Variants in IQSEC2 observed in about 807,000 individuals in gnomAD.
IQSEC2 encodes the protein IQ motif and SEC7 domain-containing protein 2.
A neutral mutation model predicts 74.6 loss-of-function variants in IQSEC2; 6 were observed. The ratio of observed to expected loss-of-function variants is 0.08; its 90% CI spans 0.04 to 0.16. IQSEC2 has a LOEUF of 0.16. Among genes scored for constraint, IQSEC2 ranks in the 10% least tolerant of loss-of-function variants. The probability of loss-of-function intolerance (pLI) is 1.00; values close to 1 mark genes in which losing one functional copy is unlikely to be tolerated. For synonymous variants in IQSEC2, 494 were observed against 544.5 expected (o/e 0.91, Z 1.29); for missense variants, 734 against 1,306.2 (o/e 0.56, Z 6.75).
At chrX:53,255,172 GAAAC>G (rs1556864804) in intron 3 of IQSEC2, among the ~76,000 whole-genome samples, 1 of 107,001 alleles carries the variant, frequency 9.3e-6, no homozygotes, top group African/African-American at 3.5e-5. Context: ...TTGAAAACAG[GAAAC>G]AAACAGAGAA....
chrX:53,301,583 A>G (rs1851311734), intron 1 of IQSEC2, among the ~76,000 whole-genome samples: 1 of 112,297 alleles, frequency 8.9e-6, no homozygotes, highest in Admixed American at 9.5e-5. Context: ...ACCCAGGTCC[A>G]TCTGTTAGGA....
intron 2 of IQSEC2, among the ~76,000 whole-genome samples, chrX:53,259,821 A>AACAAAG (rs1296844289): frequency 3.6e-5 from 4 of 111,311 alleles, no homozygotes; most frequent in African/African-American, 1.3e-4. Flanking sequence ...CAAAAACAAA[A>AACAAAG]ACAAAACTGT....
chrX:53,244,893 CTTCAT>C (rs1556861738), intron 8 of IQSEC2, among the ~76,000 whole-genome samples: 1 of 110,391 alleles, frequency 9.1e-6, no homozygotes, highest in Non-Finnish European at 1.9e-5. Context: ...TATGTATTAC[CTTCAT>C]TTATTTGCTT....
At chrX:53,317,913 G>C (rs1556879470) in intron 1 of IQSEC2, among the ~76,000 whole-genome samples, 1 of 111,981 alleles carries the variant, frequency 8.9e-6, no homozygotes, top group Non-Finnish European at 1.9e-5. Context: ...GAGGGAGACA[G>C]AGCCTTCTTC....
intron 2 of IQSEC2, chrX:53,279,924 AG>A (rs1556870440): frequency 1.1e-3 from 103 of 91,785 alleles, no homozygotes; most frequent in Admixed American, 1.6e-3. Flanking sequence ...GGAGGGAGGG[AG>A]GGAGGGAGGA....
downstream of IQSEC2, chrX:53,230,358 G>A (rs371551757): frequency 2.7e-4 from 30 of 112,898 alleles, no homozygotes; most frequent in African/African-American, 9.0e-4. Flanking sequence ...GTCTGACGTG[G>A]CAGCTACTTA....
chrX:53,282,865 C>T (rs2074987072), intron 2 of IQSEC2, among the ~76,000 whole-genome samples: 1 of 110,445 alleles, frequency 9.1e-6, no homozygotes. Context: ...GCCCTAAGAG[C>T]TGAACCCTCT....
chrX:53,288,474 C>G (rs1212835821), intron 2 of IQSEC2, among the ~76,000 whole-genome samples: 2 of 107,862 alleles, frequency 1.9e-5, no homozygotes, highest in African/African-American at 6.8e-5. Flanking sequence ...GTCCCCAGGG[C>G]CAACAAGTTC....
chrX:53,286,952 A>AAAAAAG (rs1569325506), intron 2 of IQSEC2, among the ~76,000 whole-genome samples: 3 of 96,397 alleles, frequency 3.1e-5, no homozygotes, highest in African/African-American at 5.2e-5. Flanking sequence ...AAAAAAAAAA[A>AAAAAAG]AAAAAGAAAA....
chrX:53,262,473 G>A (rs1249608740), intron 2 of IQSEC2, among the ~76,000 whole-genome samples: 1 of 112,044 alleles, frequency 8.9e-6, no homozygotes, highest in Non-Finnish European at 1.9e-5. Context: ...AGGTGGCAGT[G>A]GGGGGAACGG....
chrX:53,277,392 T>C (rs2074852511), intron 2 of IQSEC2, among the ~76,000 whole-genome samples: 1 of 109,777 alleles, frequency 9.1e-6, no homozygotes, highest in African/African-American at 3.3e-5. Context: ...TTTTTTATTT[T>C]TTATTTTTAG....
intron 1 of IQSEC2, among the ~76,000 whole-genome samples, chrX:53,314,210 C>G (rs782243187): frequency 8.9e-6 from 1 of 111,900 alleles, no homozygotes; most frequent in African/African-American, 3.3e-5. Flanking sequence ...AATTAGGTAC[C>G]TTTGGCTATT....
intron 2 of IQSEC2, 58 bp from the exon 3 acceptor site, chrX:53,256,119 C>T (rs782415841): frequency 7.5e-6 from 8 of 1,060,298 alleles, no homozygotes; most frequent in African/African-American, 1.9e-5. Context: ...GCCTACTGGG[C>T]CATACTGAGA....
intron 2 of IQSEC2, among the ~76,000 whole-genome samples, chrX:53,263,633 C>CA (rs1556866997): frequency 1.0e-5 from 1 of 96,731 alleles, no homozygotes; most frequent in African/African-American, 6.0e-5. Flanking sequence ...CTCCCCTTCA[C>CA]CCCCCGACTT....
In IQSEC2 at chrX:53,250,859, G is replaced by A; in HGVS notation, c.1717C>T (p.Arg573Cys). ...REDGSREEGTRRGPGCLECRD... is the reference protein window; with the variant it reads ...REDGSREEGTCRGPGCLECRD... ...CACTCCAAGCACCCGGGACCCCTGC[G>A]AGTGCCTTCCTCACGGCTACCGTCT... is the stretch of plus-strand genomic sequence containing the variant. Residue 573 changes from arginine to cysteine, a missense_variant, in exon 5 of 15, where the codon CGC (arginine) becomes TGC (cysteine). Physicochemically the swap from Arg to Cys is radical, Grantham distance 180 (BLOSUM62 -3). Around this residue, in one of 12 missense-constraint regions of IQSEC2, gnomAD observed 204 missense variants for 305.4 expected, o/e 0.67. Coordinates refer to ENST00000642864, the MANE Select transcript of IQSEC2 (RefSeq NM_001111125.3). 3 of 1,210,294 alleles carry A rather than the reference G, an allele frequency of 2.5e-6. No individual in the cohort carries two copies. Among genetic ancestry groups the A allele is most frequent in the African/African-American group, 1.7e-5 (1 of 57,971 alleles).
chrX:53,244,417 T>C (rs990660892), intron 8 of IQSEC2, among the ~76,000 whole-genome samples: 2 of 107,118 alleles, frequency 1.9e-5, no homozygotes, highest in Non-Finnish European at 3.8e-5. Context: ...CCCCAGCTAC[T>C]TGGGAGGCTG....
intron 2 of IQSEC2, among the ~76,000 whole-genome samples, chrX:53,268,521 C>T (rs187771287): frequency 9.0e-6 from 1 of 111,461 alleles, no homozygotes; most frequent in African/African-American, 3.3e-5. Context: ...TCATGAGGAA[C>T]AAGTGATATT....
intron 2 of IQSEC2, among the ~76,000 whole-genome samples, chrX:53,270,962 C>T (rs988471321): frequency 9.0e-6 from 1 of 111,299 alleles, no homozygotes; most frequent in Admixed American, 9.6e-5. Context: ...CCCTCATTTC[C>T]CTTCTAAAAC....
chrX:53,237,229 G>A (rs933127291), intron 12 of IQSEC2, among the ~76,000 whole-genome samples: 12 of 111,549 alleles, frequency 1.1e-4, no homozygotes, highest in African/African-American at 3.9e-4. Context: ...CAGAGCTTGG[G>A]TGCTTCCGGC....
Sources: allele counts gnomAD v4.1 joint callset (sites outside exome capture counted in the v4.1 genomes callset), GRCh38; gene constraint gnomAD v4.1.1; regional missense constraint gnomAD v4.1.1; transcripts MANE v1.5; gene names NCBI Gene and HGNC (gene_info 2026-07-23, HGNC 2026-07-21).